TMC1: variants seen among roughly 807,000 people sequenced by gnomAD.
TMC1 encodes the protein transmembrane channel-like protein 1.
Under a neutral mutation model 105.8 loss-of-function variants are expected in TMC1, and 84 were observed. That is an observed-to-expected ratio of 0.79 (90% CI 0.67 to 0.95). The LOEUF is 0.95. Among genes scored for constraint, TMC1 ranks in the 40% least tolerant of loss-of-function variants. The pLI is 0.00. For missense variants in TMC1, 817 were observed against 914.1 expected, an observed-to-expected ratio of 0.89 and a Z score of 1.37; for synonymous variants, 315 against 311.5, an observed-to-expected ratio of 1.01 and a Z score of -0.12.
intron 12 of TMC1, among the ~76,000 whole-genome samples, chr9:72,762,586 G>T (rs1827773696): frequency 6.6e-6 from 1 of 152,208 alleles, no homozygotes; most frequent in Non-Finnish European, 1.5e-5. Flanking sequence ...TCGGTGGCAT[G>T]ACCCCAAGCG....
chr9:72,835,922 T>TG, intron 23 of TMC1, 29 bp from the exon 24 acceptor site: 5 of 1,530,186 alleles, frequency 3.3e-6, no homozygotes, highest in African/African-American at 1.4e-5. Flanking sequence ...CTTGTTTTTT[T>TG]TTTTTTTTTT....
chr9:72,754,960 C>T, intron 12 of TMC1, 76 bp downstream of exon 12: 2 of 1,097,774 alleles, frequency 1.8e-6, no homozygotes, highest in Non-Finnish European at 2.8e-6. Context: ...AACCCACGGC[C>T]TCCTCTCCTG....
At chr9:72,778,941 C>T (rs973349862) in intron 13 of TMC1, among the ~76,000 whole-genome samples, 18 of 152,208 alleles carry the variant, frequency 1.2e-4, no homozygotes, top group African/African-American at 3.6e-4. Context: ...TTTGCCAACA[C>T]GCAGGTATGC....
intron 1 of TMC1, among the ~76,000 whole-genome samples, chr9:72,558,913 CAT>C (rs1823993885): frequency 6.7e-6 from 1 of 149,466 alleles, no homozygotes; most frequent in Non-Finnish European, 1.5e-5. Context: ...CTTTTTCAAC[CAT>C]TTTTTTTTGT....
intron 1 of TMC1, among the ~76,000 whole-genome samples, chr9:72,553,610 T>C (rs1227125435): frequency 1.3e-5 from 2 of 152,218 alleles, no homozygotes; most frequent in East Asian, 1.9e-4. Context: ...CCTGTACTTT[T>C]GCTGATTTTT....
At chr9:72,552,920 T>C (rs1272912827) in intron 1 of TMC1, among the ~76,000 whole-genome samples, 1 of 152,182 alleles carries the variant, frequency 6.6e-6, no homozygotes, top group Non-Finnish European at 1.5e-5. Context: ...AATATACATA[T>C]ATACACACGA....
chr9:72,710,451 C>T (rs1826816930), intron 8 of TMC1, among the ~76,000 whole-genome samples: 4 of 152,104 alleles, frequency 2.6e-5, no homozygotes, highest in African/African-American at 7.2e-5. Context: ...GTATTGAAGT[C>T]CCCCACTATT....
chr9:72,817,019 T>C (rs1411543237), intron 19 of TMC1: 2 of 152,196 alleles, frequency 1.3e-5, no homozygotes, highest in African/African-American at 2.4e-5. Flanking sequence ...AACCATACCA[T>C]TGTCCTATTC....
At chr9:72,585,037 G>C (rs372855993) in intron 2 of TMC1, among the ~76,000 whole-genome samples, 2 of 151,524 alleles carry the variant, frequency 1.3e-5, no homozygotes, top group African/African-American at 4.9e-5. Flanking sequence ...TGCACACCTC[G>C]ACCTCCCAAA....
intron 23 of TMC1, 67 bp from the exon 24 acceptor site, chr9:72,835,884 C>T: frequency 6.4e-7 from 1 of 1,555,478 alleles, no homozygotes. Flanking sequence ...TTTTTATTTG[C>T]CTCCTGTTCA....
intron 5 of TMC1, among the ~76,000 whole-genome samples, chr9:72,667,022 G>T (rs998598461): frequency 6.6e-6 from 1 of 152,208 alleles, no homozygotes; most frequent in African/African-American, 2.4e-5. Flanking sequence ...AGAGGTTGCA[G>T]TGAGCCAACA....
chr9:72,754,214 G>A (rs537971002), intron 11 of TMC1, among the ~76,000 whole-genome samples: 5 of 151,946 alleles, frequency 3.3e-5, no homozygotes, highest in South Asian at 2.1e-4. Context: ...TCTCCCTACC[G>A]TTTTTCTCTT....
intron 10 of TMC1, 145 bp from the exon 11 acceptor site, chr9:72,751,705 G>T: frequency 3.1e-6 from 2 of 646,556 alleles, no homozygotes; most frequent in Non-Finnish European, 5.5e-6. Flanking sequence ...TGAATAGAGA[G>T]AAAAGAATGC....
intron 2 of TMC1, among the ~76,000 whole-genome samples, chr9:72,599,113 C>A (rs1378241572): frequency 6.6e-6 from 1 of 152,138 alleles, no homozygotes; most frequent in Admixed American, 6.5e-5. Flanking sequence ...TCACTGCAAC[C>A]TCCGCCTCCT....
chr9:72,525,272 G>A (rs534021554), intron 1 of TMC1, among the ~76,000 whole-genome samples: 2 of 152,254 alleles, frequency 1.3e-5, no homozygotes, highest in East Asian at 1.9e-4. Flanking sequence ...CCTATTCCTT[G>A]TAAGTAGGAC....
At chr9:72,549,106 T>G (rs1823817943) in intron 1 of TMC1, among the ~76,000 whole-genome samples, 1 of 152,334 alleles carries the variant, frequency 6.6e-6, no homozygotes, top group South Asian at 2.1e-4. Context: ...TTCAAATTAG[T>G]AACTTTATTT....
intron 12 of TMC1, among the ~76,000 whole-genome samples, chr9:72,769,726 G>A (rs904918179): frequency 2.6e-5 from 4 of 152,180 alleles, no homozygotes; most frequent in South Asian, 2.1e-4. Flanking sequence ...AAATGTTCAC[G>A]AAATGTATAC....
chr9:72,709,994 G>A (rs994639890), intron 8 of TMC1, among the ~76,000 whole-genome samples: 3 of 152,012 alleles, frequency 2.0e-5, no homozygotes, highest in Non-Finnish European at 4.4e-5. Flanking sequence ...GGCATTTAAT[G>A]CTATGAACTT....
At chr9:72,575,134 C>T (rs1824357478) in intron 1 of TMC1, among the ~76,000 whole-genome samples, 1 of 152,132 alleles carries the variant, frequency 6.6e-6, no homozygotes, top group South Asian at 2.1e-4. Flanking sequence ...AAAGGGTGTA[C>T]TTGTATTATC....
Sources: allele counts gnomAD v4.1 joint callset (sites outside exome capture counted in the v4.1 genomes callset), GRCh38; gene constraint gnomAD v4.1.1; transcripts MANE v1.5; gene names NCBI Gene and HGNC (gene_info 2026-07-23, HGNC 2026-07-21).